Variants in PIGN observed in about 807,000 individuals in gnomAD.
PIGN encodes the protein GPI ethanolamine phosphate transferase 1.
PIGN carries 117 observed loss-of-function variants against 125.4 expected under a neutral mutation model. The observed-to-expected ratio is 0.93, with a 90% CI of 0.80 to 1.09. The LOEUF (loss-of-function observed/expected upper bound fraction) is 1.09. Ranked by LOEUF, PIGN falls within the 50% of genes least tolerant of loss-of-function variation. PIGN has a pLI of 0.00. For missense variants in PIGN, 1,075 were observed against 1,094.9 expected (o/e 0.98, Z 0.26); for synonymous variants, 392 against 377.8 (o/e 1.04, Z -0.44).
rs2030405279 is a variant in PIGN at position 62,042,220 on chromosome 18, C to A, written c.*3636G>T. 6.6e-6 allele frequency: 1 copy of A among 151,986 alleles called. No homozygotes were observed. Among genetic ancestry groups the A allele is most frequent in the South Asian group, 2.1e-4 (1 of 4,814 alleles). The allele number at this position is 151,986 out of a possible 1,614,324, so 9.4% of individuals were successfully genotyped here. A position where few individuals can be genotyped will look rare whatever the true frequency, so the allele number is the denominator to read the frequency against. ...CCTGTAATCCCAGCTACTCAGGAGG[C>A]TGAGGCAGAAGAATCGCTTGAACCA... is the stretch of plus-strand genomic sequence containing the variant. On this transcript the variant is annotated 3_prime_UTR_variant, in exon 31 of 31. Transcript: ENST00000640252.
At position 62,041,547 on chromosome 18, in the gene PIGN, C is replaced by T. The variant is rs72944151; in HGVS notation, c.*4309G>A. 25,777 of 151,972 alleles carry T rather than the reference C, an allele frequency of 0.17. 2,949 individuals are homozygous for T. The highest frequency in any genetic ancestry group is 0.28 in the Middle Eastern group (82 of 292). 9.4% of individuals were successfully genotyped at this position (151,972 alleles called of 1,614,324 possible). ...TTTGTCGCCCAGAGTGGCACCATCTCGGCTCATTGCAAATTCCACCTCCCA... is the reference window on the plus strand; with the variant it reads ...TTTGTCGCCCAGAGTGGCACCATCTTGGCTCATTGCAAATTCCACCTCCCA... On this transcript the variant is annotated 3_prime_UTR_variant, in exon 31 of 31. Transcript: ENST00000640252.
intron 25 of PIGN, chr18:62,088,504 A>T (rs2033812845): frequency 4.7e-6 from 1 of 212,464 alleles, no homozygotes. Context: ...ATTTTTAAAA[A>T]ACATATGTGA....
At chr18:62,086,618 GT>G (rs34697881) in intron 25 of PIGN, among the ~76,000 whole-genome samples, 82,418 of 143,372 alleles carry the variant, frequency 0.57, 24,418 homozygotes, top group African/African-American at 0.74. Context: ...TCCGTTTTTT[GT>G]TTTTTTTTTT....
At chr18:62,104,748 C>T (rs1358827117) in intron 20 of PIGN, among the ~76,000 whole-genome samples, 1 of 152,086 alleles carries the variant, frequency 6.6e-6, no homozygotes, top group African/African-American at 2.4e-5. Flanking sequence ...TTATCCATTA[C>T]AGACTTGGTT....
downstream of PIGN, among the ~76,000 whole-genome samples, chr18:62,036,679 T>C (rs1222962977): frequency 6.6e-6 from 1 of 152,248 alleles, no homozygotes; most frequent in Non-Finnish European, 1.5e-5. Context: ...TATGCCCTTC[T>C]TTTTTGTCAA....
At chr18:62,121,702 T>A (rs1471277317) in intron 14 of PIGN, among the ~76,000 whole-genome samples, 1 of 152,156 alleles carries the variant, frequency 6.6e-6, no homozygotes, top group Non-Finnish European at 1.5e-5. Flanking sequence ...CAGGATTTCA[T>A]TCCTTTTTTA....
intron 14 of PIGN, among the ~76,000 whole-genome samples, chr18:62,125,606 C>A (rs1198394304): frequency 1.3e-5 from 2 of 151,980 alleles, no homozygotes; most frequent in African/African-American, 4.8e-5. Context: ...GGAATTTACT[C>A]TCCAAAAGAG....
rs2033648536 is a variant in PIGN at position 62,085,349 on chromosome 18, T to C, written c.2371-85A>G. The C allele has an allele frequency of 4.6e-6, 4 of 872,108 alleles. No individual in the cohort carries two copies. The Admixed American group carries it at 6.8e-5, about 15-fold the overall frequency. The allele number at this position is 872,108 out of a possible 1,614,324, so 54.0% of individuals were successfully genotyped here. A position where few individuals can be genotyped will look rare whatever the true frequency, so the allele number is the denominator to read the frequency against. Reference sequence around the variant, plus strand: ...TTAGAAAAGATATGCTAATTTTACCTTGAGAGTAATTTGCTCTTTTACTTG... The same window carrying C: ...TTAGAAAAGATATGCTAATTTTACCCTGAGAGTAATTTGCTCTTTTACTTG... On this transcript the variant is annotated intron_variant, in intron 25 of 30. Transcript: ENST00000640252.
At chr18:62,146,548 T>C (rs2036335054) in intron 9 of PIGN, among the ~76,000 whole-genome samples, 1 of 152,216 alleles carries the variant, frequency 6.6e-6, no homozygotes, top group Non-Finnish European at 1.5e-5. Context: ...AATCTCATCT[T>C]TGCTTTATTT....
At chr18:62,101,331 G>A in intron 21 of PIGN, 148 bp from the exon 22 acceptor site, 1 of 589,726 alleles carries the variant, frequency 1.7e-6, no homozygotes, top group East Asian at 2.8e-5. Context: ...GACAGTACAG[G>A]AACTGATGCA....
At chr18:62,144,886 A>C (rs1419810950) in intron 10 of PIGN, among the ~76,000 whole-genome samples, 2 of 152,062 alleles carry the variant, frequency 1.3e-5, no homozygotes, top group Non-Finnish European at 2.9e-5. Context: ...AGATTGCTTG[A>C]GCCCAGGAGT....
chr18:62,124,780 A>C (rs2035441982), intron 14 of PIGN, among the ~76,000 whole-genome samples: 1 of 152,192 alleles, frequency 6.6e-6, no homozygotes, highest in African/African-American at 2.4e-5. Context: ...ATGGGAAAAC[A>C]GGCAAAATTT....
chr18:62,083,598 T>C (rs891621061), intron 27 of PIGN, among the ~76,000 whole-genome samples: 6 of 152,178 alleles, frequency 3.9e-5, no homozygotes, highest in Non-Finnish European at 7.4e-5. Context: ...AACCTAGCAT[T>C]CTAATTTGAG....
intron 14 of PIGN, among the ~76,000 whole-genome samples, chr18:62,123,307 GAAAAGTTACAT>G (rs1568200592): frequency 6.6e-6 from 1 of 152,058 alleles, no homozygotes; most frequent in Non-Finnish European, 1.5e-5. Context: ...AATAATTGCT[GAAAAGTTACAT>G]AAGTGATCAA....
At chr18:62,103,360 T>G (rs1320593744) in intron 20 of PIGN, among the ~76,000 whole-genome samples, 2 of 149,672 alleles carry the variant, frequency 1.3e-5, no homozygotes, top group East Asian at 4.4e-4. Context: ...TAACCCACAT[T>G]ATTTCTAGCA....
rs767491900 is a variant in PIGN at position 62,101,114 on chromosome 18, G to A, written c.2038C>T (p.Leu680=). The A allele has an allele frequency of 1.2e-6, 2 of 1,611,394 alleles. No individual in the cohort carries two copies. The highest frequency in any genetic ancestry group is 1.7e-6 in the Non-Finnish European group (2 of 1,177,970). ...CTAATAATTTGATTCATGAGAGGCA[G>A]TCCTTGCTTCCTGAGTAGACTACTC... ...TQSSLLRKQG[L]PLMNQIISWA... is the part of the protein sequence containing the mutation. The change falls in exon 22 of 31, where the codon CTG becomes TTG. Residue 680 remains leucine, a synonymous_variant. Coordinates refer to ENST00000640252, the MANE Select transcript of PIGN (RefSeq NM_176787.5).
At chr18:62,081,516 G>A (rs1166458459) in intron 28 of PIGN, among the ~76,000 whole-genome samples, 1 of 152,126 alleles carries the variant, frequency 6.6e-6, no homozygotes, top group Non-Finnish European at 1.5e-5. Flanking sequence ...GTTCTCTCCT[G>A]TTGTGTTTTG....
intron 26 of PIGN, among the ~76,000 whole-genome samples, chr18:62,084,928 T>C (rs2033624740): frequency 1.3e-5 from 2 of 152,038 alleles, no homozygotes; most frequent in African/African-American, 4.8e-5. Context: ...ACCAACATAG[T>C]GAAACCCCGT....
Position 62,101,191 on chromosome 18 carries a change from C to A in PIGN, c.1969-8G>T. ...GAGCACTGTGCTCAGCACCTAAAGA[C>A]AAAGATGAAATAGGTTAAAAAAAGA... is the stretch of plus-strand genomic sequence containing the variant. On this transcript the variant is annotated splice_polypyrimidine_tract_variant and splice_region_variant and intron_variant, in intron 21 of 30. Transcript: ENST00000640252. 2.0e-6 allele frequency: 3 copies of A among 1,497,340 alleles called. No homozygotes were observed. Among genetic ancestry groups the A allele is most frequent in the Non-Finnish European group, 2.8e-6 (3 of 1,078,828 alleles). 92.8% of individuals were successfully genotyped at this position (1,497,340 alleles called of 1,614,324 possible).
Sources: allele counts gnomAD v4.1 joint callset (sites outside exome capture counted in the v4.1 genomes callset), GRCh38; gene constraint gnomAD v4.1.1; transcripts MANE v1.5; gene names NCBI Gene and HGNC (gene_info 2026-07-23, HGNC 2026-07-21).